BDH2: variants seen among roughly 807,000 people sequenced by gnomAD.
BDH2 encodes 3-hydroxybutyrate dehydrogenase 2, also known as dehydrogenase/reductase SDR family member 6.
A neutral mutation model predicts 33.2 loss-of-function variants in BDH2; 24 were observed. The observed-to-expected ratio is 0.72, with a 90% CI of 0.52 to 1.02. The LOEUF is 1.02. Ranked by LOEUF, BDH2 falls within the 50% of genes least tolerant of loss-of-function variation. The probability of loss-of-function intolerance (pLI) is 0.00; values close to 1 mark genes in which losing one functional copy is unlikely to be tolerated. For missense variants in BDH2, 249 were observed against 301.6 expected (o/e 0.83, Z 1.29); for synonymous variants, 81 against 101.6 (o/e 0.80, Z 1.22).
chr4:103,098,179 C>T (rs541314074), intron 1 of BDH2, among the ~76,000 whole-genome samples: 9 of 151,818 alleles, frequency 5.9e-5, no homozygotes, highest in African/African-American at 2.2e-4. Context: ...CTAGTGGGGG[C>T]GCTGGTGAAA....
chr4:103,086,360 C>A lies in BDH2; in HGVS notation c.418+120G>T, dbSNP rs1477522053. 4 of 1,375,830 alleles carry A rather than the reference C, an allele frequency of 2.9e-6. No homozygotes were observed. The African/African-American group carries it at 5.9e-5, about 20-fold the overall frequency. 85.2% of individuals were successfully genotyped at this position (1,375,830 alleles called of 1,614,324 possible). A position where few individuals can be genotyped will look rare whatever the true frequency, so the allele number is the denominator to read the frequency against. On this transcript the variant is annotated intron_variant, in intron 6 of 9. Transcript: ENST00000296424. ...AACTTAATACCAATTTTGAAAAAAGCAGTTTTGAAATCATTTCAATACTTG... is the reference window on the plus strand; with the variant it reads ...AACTTAATACCAATTTTGAAAAAAGAAGTTTTGAAATCATTTCAATACTTG...
At chr4:103,095,523 A>C (rs1041203139) in intron 2 of BDH2, among the ~76,000 whole-genome samples, 2 of 152,174 alleles carry the variant, frequency 1.3e-5, no homozygotes, top group African/African-American at 4.8e-5. Context: ...AAGTAATATC[A>C]AACAAAATAA....
rs199621816 is a variant in BDH2, at chr4:103,095,274, G to A, written c.80C>T (p.Ala27Val). ...GIGQAAALAF[A>V]REGAKVIATD... Reference sequence around the variant, plus strand: ...GGCTATGACTTTGGCACCTTCTCTTGCAAAAGCCTAGTAGACACAAAGTAC... The same window carrying A: ...GGCTATGACTTTGGCACCTTCTCTTACAAAAGCCTAGTAGACACAAAGTAC... Residue 27 changes from alanine to valine, a missense_variant, in exon 3 of 10, where the codon GCA becomes GTA. Physicochemically the swap from Ala to Val is moderately conservative, Grantham distance 64. Transcript: ENST00000296424. 1.2e-4 allele frequency: 192 copies of A among 1,612,994 alleles called. No individual in the cohort carries two copies. The highest frequency in any genetic ancestry group is 2.7e-4 in the Admixed American group (16 of 59,980).
intron 5 of BDH2, among the ~76,000 whole-genome samples, chr4:103,088,439 T>C (rs1747906932): frequency 6.6e-6 from 1 of 152,174 alleles, no homozygotes; most frequent in Non-Finnish European, 1.5e-5. Flanking sequence ...CCCCTAACAC[T>C]TGCACTATCC....
At chr4:103,093,431 A>G (rs1032425140) in intron 3 of BDH2, among the ~76,000 whole-genome samples, 3 of 151,908 alleles carry the variant, frequency 2.0e-5, no homozygotes, top group African/African-American at 7.3e-5. Context: ...GACATGAGAG[A>G]TCTGGCATGG....
chr4:103,083,009 G>GA, intron 7 of BDH2, 80 bp from the exon 8 acceptor site: 1 of 1,245,558 alleles, frequency 8.0e-7, no homozygotes, highest in Non-Finnish European at 1.2e-6. Context: ...CTTTCCATAT[G>GA]ACAATCAGTG....
chr4:103,091,168 TG>T lies in BDH2; in HGVS notation c.357+8del, dbSNP rs765187678. 2.5e-6 allele frequency: 4 copies of T among 1,580,124 alleles called. No homozygotes were observed. The African/African-American group carries it at 5.4e-5, about 21-fold the overall frequency. Reference sequence around the variant, plus strand: ...GTGCTTATCCTGGTGGTGGTGGTGGTGGTCTTACTTTAGGAAGGAATGCCTT... The same window carrying T: ...GTGCTTATCCTGGTGGTGGTGGTGGTGTCTTACTTTAGGAAGGAATGCCTT... On this transcript the variant is annotated splice_region_variant and intron_variant, in intron 5 of 9. Coordinates refer to ENST00000296424, the MANE Select transcript of BDH2 (RefSeq NM_020139.4).
At chr4:103,082,032 G>T in intron 9 of BDH2, 49 bp downstream of exon 9, 2 of 1,479,582 alleles carry the variant, frequency 1.4e-6, no homozygotes, top group Non-Finnish European at 1.9e-6. Context: ...GCAAATTGTG[G>T]CCAAATGTGA....
At chr4:103,099,029 T>A (rs1399838101) in intron 1 of BDH2, 1 of 152,186 alleles carries the variant, frequency 6.6e-6, no homozygotes, top group Non-Finnish European at 1.5e-5. Flanking sequence ...AAGATAAACA[T>A]GGAATGTTTA....
intron 9 of BDH2, 96 bp downstream of exon 9, chr4:103,081,985 A>G: frequency 1.0e-6 from 1 of 982,346 alleles, no homozygotes; most frequent in Non-Finnish European, 1.6e-6. Context: ...TAGCACATAT[A>G]TGCCACAAAC....
At chr4:103,093,451 G>T (rs1252308019) in intron 3 of BDH2, among the ~76,000 whole-genome samples, 1 of 151,840 alleles carries the variant, frequency 6.6e-6, no homozygotes, top group African/African-American at 2.4e-5. Flanking sequence ...GCGGGCACCT[G>T]AGAGATACAC....
At chr4:103,085,208 A>G in intron 7 of BDH2, 141 bp downstream of exon 7, 1 of 648,014 alleles carries the variant, frequency 1.5e-6, no homozygotes, top group South Asian at 2.0e-5. Context: ...TATGGCTTTG[A>G]GAGTCATTTT....
chr4:103,092,652 C>A lies in BDH2; in HGVS notation c.196G>T (p.Asp66Tyr). Residue 66 changes from aspartate (D) to tyrosine (Y), a missense_variant, in exon 4 of 10, where the codon GAT becomes TAT. Transcript: ENST00000296424. ...VLDVTKKKQI[D>Y]QFANEVERLD... ...CTCTCAACTTCATTGGCAAACTGAT[C>A]AATTTGTTTCTTCTTTGTGACATCA... The A allele has an allele frequency of 6.2e-7, 1 of 1,613,168 alleles. No homozygotes were observed. The highest frequency in any genetic ancestry group is 2.2e-5 in the East Asian group (1 of 44,830).
chr4:103,099,504 A>C (rs545282814), intron 1 of BDH2: 1 of 152,324 alleles, frequency 6.6e-6, no homozygotes, highest in Admixed American at 6.5e-5. Flanking sequence ...ATTTTTGATT[A>C]GCAGAGACAC....
At chr4:103,079,956 A>C (rs1032218693) in intron 9 of BDH2, among the ~76,000 whole-genome samples, 13 of 152,316 alleles carry the variant, frequency 8.5e-5, no homozygotes, top group African/African-American at 3.1e-4. Flanking sequence ...CTGGAACTAA[A>C]TGGCCTCTGG....
At chr4:103,086,344 C>G in intron 6 of BDH2, 136 bp downstream of exon 6, 1 of 1,360,942 alleles carries the variant, frequency 7.3e-7, no homozygotes, top group Non-Finnish European at 9.5e-7. Context: ...GAACTTAATA[C>G]CAATTTTGAA....
chr4:103,083,196 T>C (rs1274461834), intron 7 of BDH2, among the ~76,000 whole-genome samples: 1 of 152,246 alleles, frequency 6.6e-6, no homozygotes, highest in Admixed American at 6.5e-5. Flanking sequence ...CAAGGACATA[T>C]ATTTTAGTCA....
At chr4:103,097,516 G>A (rs1000711927) in intron 1 of BDH2, 1 of 152,230 alleles carries the variant, frequency 6.6e-6, no homozygotes, top group East Asian at 1.9e-4. Context: ...TGTCATTAAT[G>A]TGTGCCTCTG....
intron 8 of BDH2, 66 bp from the exon 9 acceptor site, chr4:103,082,239 T>C (rs1747561691): frequency 2.2e-6 from 3 of 1,386,226 alleles, no homozygotes; most frequent in Non-Finnish European, 3.1e-6. Flanking sequence ...CTGCATCTTG[T>C]TCAAGGAGTT....
Sources: gnomAD v4.1 joint callset for allele counts (sites outside exome capture counted in the v4.1 genomes callset) on GRCh38, gnomAD v4.1.1 for gene constraint, MANE v1.5 for transcripts, NCBI Gene and HGNC (gene_info 2026-07-23, HGNC 2026-07-21) for gene names.